ROBO2: variants seen among roughly 807,000 people sequenced by gnomAD.
ROBO2 encodes the protein roundabout homolog 2.
ROBO2 carries 53 observed loss-of-function variants against 160.8 expected under a neutral mutation model. That is an observed-to-expected ratio of 0.33 (90% confidence interval 0.26 to 0.41). The LOEUF is 0.41. ROBO2 is among the 10% of genes least tolerant of loss of function. The pLI, the probability that ROBO2 is intolerant of heterozygous loss-of-function variation, is 1.00. For synonymous variants in ROBO2, 664 were observed against 611.7 expected (o/e 1.09, Z -1.26); for missense variants, 1,577 against 1,722.4 (o/e 0.92, Z 1.49).
At chr3:76,718,339 A>C (rs1255418381) in intron 2 of ROBO2, among the ~76,000 whole-genome samples, 3 of 152,236 alleles carry the variant, frequency 2.0e-5, no homozygotes, top group African/African-American at 7.2e-5. Context: ...CAGGATTCCT[A>C]TCATTCTCAC....
chr3:76,911,478 C>A (rs1453793848), intron 2 of ROBO2, among the ~76,000 whole-genome samples: 2 of 152,106 alleles, frequency 1.3e-5, no homozygotes, highest in African/African-American at 4.8e-5. Flanking sequence ...GCCAGGCAAA[C>A]CTAGTAATGA....
chr3:77,293,395 CAT>C (rs1410962823), intron 2 of ROBO2, among the ~76,000 whole-genome samples: 1 of 148,320 alleles, frequency 6.7e-6, no homozygotes, highest in African/African-American at 2.5e-5. Context: ...TCACCCCAGA[CAT>C]AAAGTAAAAT....
intron 2 of ROBO2, among the ~76,000 whole-genome samples, chr3:77,163,923 T>C (rs1206667464): frequency 6.6e-6 from 1 of 152,210 alleles, no homozygotes; most frequent in Non-Finnish European, 1.5e-5. Flanking sequence ...AAAATTGATA[T>C]ATTCATATAC....
chr3:76,016,921 A>G (rs1004520624), intron 2 of ROBO2, among the ~76,000 whole-genome samples: 14 of 152,192 alleles, frequency 9.2e-5, no homozygotes, highest in Non-Finnish European at 1.9e-4. Context: ...AATGGATTAA[A>G]TGAGGCATAG....
At chr3:76,187,979 C>T (rs927297832) in intron 2 of ROBO2, among the ~76,000 whole-genome samples, 2 of 152,118 alleles carry the variant, frequency 1.3e-5, no homozygotes, top group Non-Finnish European at 2.9e-5. Flanking sequence ...TCTAAACTCA[C>T]TTAGTGCCAC....
intron 2 of ROBO2, among the ~76,000 whole-genome samples, chr3:76,461,937 A>G (rs2078107668): frequency 6.6e-6 from 1 of 152,162 alleles, no homozygotes; most frequent in Admixed American, 6.6e-5. Flanking sequence ...AGCATAACGT[A>G]AGCATAAAAG....
intron 2 of ROBO2, among the ~76,000 whole-genome samples, chr3:76,123,761 A>G (rs1461329806): frequency 2.6e-4 from 40 of 152,022 alleles, no homozygotes; most frequent in Admixed American, 2.6e-3. Flanking sequence ...TGCTTAGTTC[A>G]CACTCTCTGG....
At chr3:76,030,413 T>C (rs2066882513) in intron 2 of ROBO2, among the ~76,000 whole-genome samples, 1 of 152,216 alleles carries the variant, frequency 6.6e-6, no homozygotes, top group Admixed American at 6.5e-5. Context: ...GCCGTTGCTT[T>C]TGGTGTTTTA....
chr3:76,506,312 T>C (rs531832559), intron 2 of ROBO2, among the ~76,000 whole-genome samples: 1 of 152,298 alleles, frequency 6.6e-6, no homozygotes, highest in African/African-American at 2.4e-5. Flanking sequence ...GAGGGCTGCT[T>C]TCTGTTTCCA....
chr3:77,069,633 C>G (rs1397148000), intron 1 of ROBO2, among the ~76,000 whole-genome samples: 1 of 152,132 alleles, frequency 6.6e-6, no homozygotes, highest in African/African-American at 2.4e-5. Flanking sequence ...GATTGAATAA[C>G]TTTCTTATTC....
At chr3:77,607,915 C>G (rs201486215) in exon 21 of ROBO2, 1 of 1,613,700 alleles carries the variant, frequency 6.2e-7, no homozygotes, top group Admixed American at 1.7e-5. Context: ...CTTCCTGGCA[C>G]GGAGCTGGAA....
At chr3:76,757,231 A>G (rs1401835342) in intron 2 of ROBO2, among the ~76,000 whole-genome samples, 1 of 151,856 alleles carries the variant, frequency 6.6e-6, no homozygotes, top group Non-Finnish European at 1.5e-5. Flanking sequence ...ACAGTCAGTC[A>G]GGACTACATC....
chr3:77,171,349 C>G (rs1361428553), intron 2 of ROBO2, among the ~76,000 whole-genome samples: 1 of 152,196 alleles, frequency 6.6e-6, no homozygotes, highest in Non-Finnish European at 1.5e-5. Context: ...TAACATGCAG[C>G]CTGCTTCGTC....
rs879012895 is a variant in ROBO2 at position 76,434,437 on chromosome 3, C to T, written c.109+496835C>T. ...AGGCCCTGGGCTGGGTGGCTATGGCCCCCAAGCCTGGCACTTATGTGAAAG... is the reference window on the plus strand; with the variant it reads ...AGGCCCTGGGCTGGGTGGCTATGGCTCCCAAGCCTGGCACTTATGTGAAAG... On this transcript the variant is annotated intron_variant, in intron 2 of 26. Coordinates refer to the ROBO2 transcript ENST00000487694. 5.1e-6 allele frequency: 8 copies of T among 1,557,356 alleles called. No individual in the cohort carries two copies. The East Asian group carries it at 1.3e-4, about 26-fold the overall frequency.
At chr3:76,616,852 CG>C (rs1354605900) in intron 2 of ROBO2, among the ~76,000 whole-genome samples, 1 of 152,058 alleles carries the variant, frequency 6.6e-6, no homozygotes, top group Admixed American at 6.5e-5. Flanking sequence ...GCTCAAACTC[CG>C]GGGCCCAAGT....
chr3:76,184,542 GAGATAGATAGATAGATAGATAGAT>G (rs78271272), intron 2 of ROBO2, among the ~76,000 whole-genome samples: 14 of 146,284 alleles, frequency 9.6e-5, no homozygotes, highest in Admixed American at 7.6e-4. Flanking sequence ...GAACAAATAG[GAGATAGATAGATAGATAGATAGAT>G]AGATAGATAG....
chr3:76,402,151 T>A lies in ROBO2; in HGVS notation c.109+464549T>A, dbSNP rs77268701. On this transcript the variant is annotated intron_variant, in intron 2 of 26. Transcript: ENST00000487694. The stretch of plus-strand genomic sequence containing the variant: ...TTACTTCTTTTACTTGTGATTTTTT[T>A]ATTTATTTCTGTTTGCCTAAAATTT... Among the ~76,000 whole-genome samples the A allele has an allele frequency of 3.2e-3, 480 of 151,682 alleles. 13 individuals are homozygous for A. The East Asian group carries it at 0.087, about 27-fold the overall frequency.
chr3:76,661,012 A>T (rs1336207270), intron 2 of ROBO2, among the ~76,000 whole-genome samples: 2 of 152,196 alleles, frequency 1.3e-5, no homozygotes, highest in Non-Finnish European at 2.9e-5. Flanking sequence ...AATACAGAAT[A>T]TTTCTCAATG....
In ROBO2 at chr3:76,888,421, G is replaced by T. The variant is rs140992527; in HGVS notation, c.110-209593G>T. Among the ~76,000 whole-genome samples the T allele has an allele frequency of 3.3e-3, 494 of 151,516 alleles. 3 individuals are homozygous for T. Among genetic ancestry groups the T allele is most frequent in the African/African-American group, 0.01 (421 of 40,816 alleles). ...AGTTAAGTGTTGATGGTGAACATCAGCAGGCCCAGGCTTAATACTTATTTT... is the reference window on the plus strand; with the variant it reads ...AGTTAAGTGTTGATGGTGAACATCATCAGGCCCAGGCTTAATACTTATTTT... On this transcript the variant is annotated intron_variant, in intron 2 of 26. Coordinates refer to the ROBO2 transcript ENST00000487694.
Sources: gnomAD v4.1 joint callset for allele counts (sites outside exome capture counted in the v4.1 genomes callset) on GRCh38, gnomAD v4.1.1 for gene constraint, MANE v1.5 for transcripts, NCBI Gene and HGNC (gene_info 2026-07-23, HGNC 2026-07-21) for gene names.